EFCAB6: variants seen among roughly 807,000 people sequenced by gnomAD.
EFCAB6 encodes EF-hand calcium binding domain 6, also known as EF-hand calcium-binding domain-containing protein 6.
In EFCAB6, 156 loss-of-function variants were observed where a neutral mutation model predicts 169.8. The ratio of observed to expected loss-of-function variants is 0.92; its 90% CI spans 0.81 to 1.05. The LOEUF (loss-of-function observed/expected upper bound fraction) is 1.05. Ranked by LOEUF, EFCAB6 falls within the 50% of genes least tolerant of loss-of-function variation. The pLI is 0.00. For synonymous variants in EFCAB6, 698 were observed against 676.4 expected (o/e 1.03, Z -0.50); for missense variants, 1,800 against 1,829.1 (o/e 0.98, Z 0.29).
At chr22:43,599,454 G>A (rs1348315374) in intron 23 of EFCAB6, among the ~76,000 whole-genome samples, 1 of 139,772 alleles carries the variant, frequency 7.2e-6, no homozygotes, top group African/African-American at 2.7e-5. Context: ...AGGTTGCAGT[G>A]AGCTCAGACA....
intron 30 of EFCAB6, 53 bp downstream of exon 30, chr22:43,534,635 T>C: frequency 6.6e-7 from 1 of 1,515,940 alleles, no homozygotes; most frequent in Non-Finnish European, 8.9e-7. Flanking sequence ...AAAATAAAAA[T>C]GAAAGCGCCC....
intron 3 of EFCAB6, among the ~76,000 whole-genome samples, 154 bp from the exon 4 acceptor site, chr22:43,773,257 A>G (rs2061537240): frequency 6.6e-6 from 1 of 152,218 alleles, no homozygotes; most frequent in African/African-American, 2.4e-5. Context: ...ATGACTTGTA[A>G]TGAAAAATCT....
chr22:43,538,424 C>T (rs2047512272), intron 28 of EFCAB6, among the ~76,000 whole-genome samples: 1 of 152,168 alleles, frequency 6.6e-6, no homozygotes. Context: ...GAGTCTTGCT[C>T]TGTCGCCAGG....
At chr22:43,743,609 T>C (rs1402116004) in intron 6 of EFCAB6, among the ~76,000 whole-genome samples, 1 of 152,168 alleles carries the variant, frequency 6.6e-6, no homozygotes, top group East Asian at 1.9e-4. Context: ...GTTCAATAAA[T>C]GGTGGTGAAA....
intron 4 of EFCAB6, among the ~76,000 whole-genome samples, chr22:43,766,533 T>C (rs940680353): frequency 6.6e-6 from 1 of 152,078 alleles, no homozygotes; most frequent in Non-Finnish European, 1.5e-5. Context: ...CTTGCAACTT[T>C]TCTTTTTTTG....
At position 43,673,432 on chromosome 22, in the gene EFCAB6, T is replaced by C. The variant is rs2057580749; in HGVS notation, c.1420-1127A>G. 2.0e-5 allele frequency among the ~76,000 whole-genome samples: 3 copies of C among 152,116 alleles called. No individual in the cohort carries two copies. The South Asian group carries it at 6.2e-4, about 32-fold the overall frequency. On this transcript the variant is annotated intron_variant, in intron 13 of 31. Transcript: ENST00000262726. ...GTTCACTGCAGCAAAATTTTAAAAATAAAAAATAAATGAACATCCAAATTA... is the reference window on the plus strand; with the variant it reads ...GTTCACTGCAGCAAAATTTTAAAAACAAAAAATAAATGAACATCCAAATTA...
At chr22:43,707,342 G>C (rs1164244024) in intron 10 of EFCAB6, among the ~76,000 whole-genome samples, 1 of 152,180 alleles carries the variant, frequency 6.6e-6, no homozygotes, top group Admixed American at 6.5e-5. Context: ...CAGAAGAAAA[G>C]ACCAGTGAGA....
At chr22:43,801,789 A>G (rs1261311339) in intron 2 of EFCAB6, among the ~76,000 whole-genome samples, 1 of 152,248 alleles carries the variant, frequency 6.6e-6, no homozygotes, top group Non-Finnish European at 1.5e-5. Flanking sequence ...AAGGGAAGAC[A>G]GTAAGAAAGG....
At chr22:43,742,061 C>G (rs1341435746) in intron 6 of EFCAB6, among the ~76,000 whole-genome samples, 1 of 152,150 alleles carries the variant, frequency 6.6e-6, no homozygotes, top group African/African-American at 2.4e-5. Flanking sequence ...GCATGCTTCT[C>G]AGAAAAGAAC....
chr22:43,601,025 A>AGCTGC (rs2052481586), intron 22 of EFCAB6, among the ~76,000 whole-genome samples: 1 of 152,224 alleles, frequency 6.6e-6, no homozygotes, highest in East Asian at 1.9e-4. Context: ...AGGTTTAGAA[A>AGCTGC]AAAATTCTTC....
intron 20 of EFCAB6, 57 bp downstream of exon 20, chr22:43,626,390 G>A (rs536952600): frequency 1.2e-5 from 18 of 1,526,248 alleles, no homozygotes; most frequent in Middle Eastern, 3.4e-4. Flanking sequence ...AATGCTGGAC[G>A]TCACAGTGGC....
chr22:43,785,041 AAACT>A (rs968589170), intron 2 of EFCAB6, among the ~76,000 whole-genome samples: 3 of 152,184 alleles, frequency 2.0e-5, no homozygotes, highest in African/African-American at 7.2e-5. Context: ...CGTGAAGCAA[AAACT>A]AACTAAATTG....
chr22:43,554,795 G>C (rs67405778), intron 27 of EFCAB6, 74 bp downstream of exon 27: 49,843 of 1,302,826 alleles, frequency 0.038, 1,116 homozygotes, highest in African/African-American at 0.05. Flanking sequence ...CTTAAACTCT[G>C]TACATTCTGG....
At chr22:43,708,360 C>G (rs2059033752) in intron 10 of EFCAB6, among the ~76,000 whole-genome samples, 1 of 151,408 alleles carries the variant, frequency 6.6e-6, no homozygotes, top group African/African-American at 2.4e-5. Context: ...GAGCTGAGAT[C>G]ACGCTCCACC....
At chr22:43,805,023 C>T (rs912887425) in intron 2 of EFCAB6, among the ~76,000 whole-genome samples, 1 of 152,180 alleles carries the variant, frequency 6.6e-6, no homozygotes, top group Non-Finnish European at 1.5e-5. Flanking sequence ...AGTAAAGTTG[C>T]AGAATGCAAA....
Position 43,590,176 on chromosome 22 carries a change from T to C in EFCAB6, c.2930A>G (p.Asp977Gly), listed in dbSNP as rs774934795. 1.1e-5 allele frequency: 18 copies of C among 1,614,056 alleles called. No homozygotes were observed. In the South Asian group the frequency reaches 1.9e-4, roughly 17 times the overall value. ...QDISKAFTKTDQSKTNYISIC... is the reference protein window; with the variant it reads ...QDISKAFTKTGQSKTNYISIC... ...GGATATGTAGTTGGTTTTGGATTGA[T>C]CAGTTTTGGTGAATGCTTTGCTGAT... The change falls in exon 24 of 32, where the codon GAT becomes GGT. Residue 977 changes from aspartate to glycine, a missense_variant. Coordinates refer to ENST00000262726, the MANE Select transcript of EFCAB6 (RefSeq NM_022785.4).
rs771856792 is a variant in EFCAB6 at position 43,534,785 on chromosome 22, A to T, written c.4136T>A (p.Phe1379Tyr). The change falls in exon 30 of 32, where the codon TTT (phenylalanine) becomes TAT (tyrosine). Residue 1379 changes from phenylalanine (F) to tyrosine (Y), a missense_variant. Phe to Tyr is a conservative substitution (Grantham distance 22). Coordinates refer to ENST00000262726, the MANE Select transcript of EFCAB6 (RefSeq NM_022785.4). ...GCTCTGAATGAAGTCACAGTATGCA[A>T]ATTTCCCGTTGCTCTTTAAGTCGTA... Reference protein sequence around the residue: ...IKYDLKSNGKFAYCDFIQSCV... With the variant: ...IKYDLKSNGKYAYCDFIQSCV... 1 of 1,614,002 alleles carries T rather than the reference A, an allele frequency of 6.2e-7. No homozygotes were observed. Among genetic ancestry groups the T allele is most frequent in the African/African-American group, 1.3e-5 (1 of 75,006 alleles).
intron 5 of EFCAB6, among the ~76,000 whole-genome samples, chr22:43,757,241 T>C (rs1396686684): frequency 1.3e-5 from 2 of 152,214 alleles, no homozygotes; most frequent in African/African-American, 4.8e-5. Context: ...ACGCTATTTG[T>C]AAAATGTTTA....
At chr22:43,577,197 A>G (rs2050314697) in intron 25 of EFCAB6, among the ~76,000 whole-genome samples, 1 of 152,200 alleles carries the variant, frequency 6.6e-6, no homozygotes, top group Non-Finnish European at 1.5e-5. Context: ...ATGTGCTATA[A>G]AAAGAAAGCA....
Sources: gnomAD v4.1 joint callset for allele counts (sites outside exome capture counted in the v4.1 genomes callset) on GRCh38, gnomAD v4.1.1 for gene constraint, MANE v1.5 for transcripts, NCBI Gene and HGNC (gene_info 2026-07-23, HGNC 2026-07-21) for gene names.